Variants in SVOPL observed in about 807,000 individuals in gnomAD.
SVOPL encodes putative transporter SVOPL.
A neutral mutation model predicts 61.0 loss-of-function variants in SVOPL; 60 were observed. That is an observed-to-expected ratio of 0.98 (90% CI 0.80 to 1.22). The LOEUF (loss-of-function observed/expected upper bound fraction) is 1.22, where lower values mean the gene tolerates loss of function less well. SVOPL is among the 50% of genes most tolerant of loss of function. The pLI is 0.00. For missense variants in SVOPL, 662 were observed against 643.9 expected, an observed-to-expected ratio of 1.03 and a Z score of -0.30; for synonymous variants, 279 against 250.0, an observed-to-expected ratio of 1.12 and a Z score of -1.09.
intron 13 of SVOPL, among the ~76,000 whole-genome samples, chr7:138,622,282 C>G (rs867001992): frequency 1.3e-4 from 17 of 134,858 alleles, no homozygotes; most frequent in East Asian, 2.1e-4. Flanking sequence ...ATCTATCTAT[C>G]TATCTATCTA....
intron 14 of SVOPL, 31 bp from the exon 15 acceptor site, chr7:138,596,561 T>TTA: frequency 6.2e-7 from 1 of 1,609,622 alleles, no homozygotes; most frequent in Non-Finnish European, 8.5e-7. Context: ...ACTCAATTTA[T>TTA]TATGCTCCAG....
At chr7:138,624,681 C>T (rs140676981) in intron 13 of SVOPL, among the ~76,000 whole-genome samples, 4 of 148,434 alleles carry the variant, frequency 2.7e-5, no homozygotes, top group East Asian at 1.9e-4. Context: ...ATTCTATAGC[C>T]CTAGAACCAA....
intron 13 of SVOPL, among the ~76,000 whole-genome samples, chr7:138,622,212 A>G (rs1397844103): frequency 1.0e-4 from 12 of 115,322 alleles, no homozygotes; most frequent in African/African-American, 3.3e-4. Flanking sequence ...GTATCTATCT[A>G]TCTATCTATG....
chr7:138,628,950 AT>A (rs542660078), intron 10 of SVOPL, among the ~76,000 whole-genome samples: 6 of 152,146 alleles, frequency 3.9e-5, no homozygotes, highest in Non-Finnish European at 7.3e-5. Context: ...AGGCAGGAAG[AT>A]TGCTTGAGGC....
At chr7:138,654,500 G>GTGT (rs1554469420) in intron 7 of SVOPL, among the ~76,000 whole-genome samples, 3 of 125,524 alleles carry the variant, frequency 2.4e-5, no homozygotes, top group African/African-American at 5.9e-5. Context: ...TACTGAGTTT[G>GTGT]TTTTTTTTTT....
intron 9 of SVOPL, among the ~76,000 whole-genome samples, chr7:138,638,428 A>C (rs983702837): frequency 9.2e-5 from 14 of 152,170 alleles, no homozygotes; most frequent in African/African-American, 3.4e-4. Context: ...AGAAAAACTT[A>C]TGAACAAAGT....
chr7:138,602,475 A>ATATATATATATATATG (rs1798571113), intron 14 of SVOPL, among the ~76,000 whole-genome samples: 1 of 146,412 alleles, frequency 6.8e-6, no homozygotes, highest in Admixed American at 6.9e-5. Context: ...ATATATATAT[A>ATATATATATATATATG]TGTAGATGTG....
intron 1 of SVOPL, among the ~76,000 whole-genome samples, chr7:138,691,744 T>C (rs1802947826): frequency 6.6e-6 from 1 of 151,532 alleles, no homozygotes; most frequent in African/African-American, 2.4e-5. Context: ...TTTCGCCACG[T>C]TGGCCAGGCT....
chr7:138,602,855 GGT>G (rs1448906009), intron 14 of SVOPL, among the ~76,000 whole-genome samples: 2 of 151,986 alleles, frequency 1.3e-5, no homozygotes, highest in African/African-American at 4.8e-5. Context: ...ATGCCCTCTT[GGT>G]GTGTGTTCGT....
chr7:138,687,949 G>A (rs1477948212), intron 1 of SVOPL, among the ~76,000 whole-genome samples: 1 of 151,876 alleles, frequency 6.6e-6, no homozygotes, highest in Non-Finnish European at 1.5e-5. Flanking sequence ...TTACAGGTGT[G>A]CACCACCACA....
chr7:138,619,561 TAAAAAAAAAAAAAAAAA>T (rs11440977), intron 14 of SVOPL, among the ~76,000 whole-genome samples: 1 of 60,302 alleles, frequency 1.7e-5, no homozygotes. Context: ...TCTCAGATGT[TAAAAAAAAAAAAAAAAA>T]AAAAAAAAAA....
At chr7:138,667,552 C>A (rs1342079488) in intron 4 of SVOPL, among the ~76,000 whole-genome samples, 1 of 152,192 alleles carries the variant, frequency 6.6e-6, no homozygotes, top group Non-Finnish European at 1.5e-5. Flanking sequence ...ATGTTCACCT[C>A]ATTTTATATA....
chr7:138,629,224 C>G (rs1800051175), intron 10 of SVOPL, among the ~76,000 whole-genome samples: 2 of 123,768 alleles, frequency 1.6e-5, no homozygotes, highest in African/African-American at 6.1e-5. Flanking sequence ...GCTTACCTTT[C>G]AGGCTCTTCA....
chr7:138,638,090 A>C (rs1358034007), intron 9 of SVOPL, among the ~76,000 whole-genome samples: 2 of 152,114 alleles, frequency 1.3e-5, no homozygotes, highest in African/African-American at 4.8e-5. Flanking sequence ...CCTGGCTAAC[A>C]TGGTGAAACC....
At chr7:138,644,877 G>A (rs1237170427) in intron 8 of SVOPL, 32 bp from the exon 9 acceptor site, 2 of 1,613,920 alleles carry the variant, frequency 1.2e-6, no homozygotes, top group Non-Finnish European at 1.7e-6. Flanking sequence ...CATCAGAGTG[G>A]CCACTGCTAT....
chr7:138,662,763 A>C, intron 5 of SVOPL: 1 of 1,155,548 alleles, frequency 8.7e-7, no homozygotes, highest in Non-Finnish European at 1.1e-6. Flanking sequence ...CAACCTTTAA[A>C]AGTTCAAATA....
At chr7:138,631,960 T>TCTCACACACA (rs935815206) in intron 9 of SVOPL, among the ~76,000 whole-genome samples, 8 of 146,964 alleles carry the variant, frequency 5.4e-5, no homozygotes, top group African/African-American at 1.5e-4. Flanking sequence ...TGCTCTGATA[T>TCTCACACACA]CACACACACA....
rs1288830252 is a variant in SVOPL, at chr7:138,677,769, AT to A, written c.174+664del. On this transcript the variant is annotated intron_variant, in intron 3 of 15. Coordinates refer to ENST00000674285, the MANE Select transcript of SVOPL (RefSeq NM_001139456.2). ...TTTTTTTTTTTTTTTTCATTTTATT[AT>A]TTTTTTTTTTGAGACGCAGTCTCGC... is the stretch of plus-strand genomic sequence containing the variant. Among the ~76,000 whole-genome samples, 117 of 72,602 alleles carry A rather than the reference AT, an allele frequency of 1.6e-3. No homozygotes were observed. In the South Asian group the frequency reaches 0.017, roughly 11 times the overall value. The allele number at this position is 72,602 out of a possible 152,430, so 47.6% of individuals were successfully genotyped here.
At position 138,662,508 on chromosome 7, in the gene SVOPL, C is replaced by T. The variant is rs1802043740; in HGVS notation, c.345+566G>A. ...TCCTGAAAGAACAGCTTCTTCTGAG[C>T]TTGCTGTTGCAGCAGTGGACTAGTC... On this transcript the variant is annotated intron_variant, in intron 5 of 15. Transcript: ENST00000674285. 4 of 985,588 alleles carry T rather than the reference C, an allele frequency of 4.1e-6. No individual in the cohort carries two copies. In the South Asian group the frequency reaches 1.9e-4, roughly 46 times the overall value. The allele number at this position is 985,588 out of a possible 1,614,324, so 61.1% of individuals were successfully genotyped here. A position where few individuals can be genotyped will look rare whatever the true frequency, so the allele number is the denominator to read the frequency against.
Sources: allele counts gnomAD v4.1 joint callset (sites outside exome capture counted in the v4.1 genomes callset), GRCh38; gene constraint gnomAD v4.1.1; transcripts MANE v1.5; gene names NCBI Gene and HGNC (gene_info 2026-07-23, HGNC 2026-07-21).